The following MAGI1 variants were observed in gnomAD, a reference collection of about 807,000 sequenced individuals.
The protein encoded by MAGI1 is membrane-associated guanylate kinase, WW and PDZ domain-containing protein 1.
A neutral mutation model predicts 139.9 loss-of-function variants in MAGI1; 58 were observed. The observed-to-expected ratio is 0.41, with a 90% CI of 0.34 to 0.52. The LOEUF is 0.52. MAGI1 is among the 20% of genes least tolerant of loss of function. MAGI1 has a pLI of 0.12. For synonymous variants in MAGI1, 812 were observed against 737.9 expected (o/e 1.10, Z -1.63); for missense variants, 1,874 against 1,901.6 (o/e 0.99, Z 0.27).
intron 1 of MAGI1, among the ~76,000 whole-genome samples, chr3:65,840,480 C>T (rs1245801004): frequency 2.0e-5 from 3 of 152,144 alleles, no homozygotes; most frequent in Admixed American, 2.0e-4. Flanking sequence ...ATAGGCATTA[C>T]ATTTTATCAA....
At chr3:65,719,990 T>C (rs2107683346) in intron 1 of MAGI1, 1 of 152,302 alleles carries the variant, frequency 6.6e-6, no homozygotes, top group Non-Finnish European at 1.5e-5. Context: ...CCCTGACAGG[T>C]AGCGGAGTAG....
intron 1 of MAGI1, among the ~76,000 whole-genome samples, chr3:65,977,727 A>G (rs999273949): frequency 6.9e-6 from 1 of 144,074 alleles, no homozygotes; most frequent in Non-Finnish European, 1.5e-5. Context: ...ACTACCAAAT[A>G]AAAAAAAAAA....
intron 1 of MAGI1, among the ~76,000 whole-genome samples, chr3:65,776,119 T>C (rs1474211401): frequency 1.3e-5 from 2 of 152,294 alleles, no homozygotes; most frequent in East Asian, 3.9e-4. Context: ...TTTGCAATTT[T>C]TGCCACTCCT....
At position 65,859,368 on chromosome 3, in the gene MAGI1, G is replaced by GA. The variant is rs985765665; in HGVS notation, c.313+178627dup. ...ACCTGCATTAGACCCCTACAAATCA[G>GA]AAAAAACTGAAACTCCATTTAGCAT... On this transcript the variant is annotated intron_variant, in intron 1 of 22. Transcript: ENST00000402939. Among the ~76,000 whole-genome samples, 47 of 151,556 alleles carry GA rather than the reference G, an allele frequency of 3.1e-4. 1 individual carries two copies. Among genetic ancestry groups the GA allele is most frequent in the African/African-American group, 1.1e-3 (47 of 41,274 alleles).
intron 1 of MAGI1, among the ~76,000 whole-genome samples, chr3:65,811,865 T>C (rs1909492): frequency 0.59 from 89,362 of 151,740 alleles, 26,678 homozygotes; most frequent in East Asian, 0.74. Flanking sequence ...TACCAGCTAG[T>C]TGATTATAAA....
intron 2 of MAGI1, among the ~76,000 whole-genome samples, chr3:65,530,625 GT>G (rs1227494513): frequency 1.8e-3 from 1 of 558 alleles, no homozygotes; most frequent in African/African-American, 2.2e-3. Flanking sequence ...TGTGTGTGTG[GT>G]GTGTGTGTGT....
At chr3:65,749,563 G>A (rs947484866) in intron 1 of MAGI1, among the ~76,000 whole-genome samples, 2 of 151,988 alleles carry the variant, frequency 1.3e-5, no homozygotes, top group African/African-American at 4.8e-5. Flanking sequence ...ACTACAAACT[G>A]GGTCCAGTGT....
intron 1 of MAGI1, among the ~76,000 whole-genome samples, chr3:66,030,013 G>A (rs367868624): frequency 7.2e-5 from 11 of 152,226 alleles, no homozygotes; most frequent in African/African-American, 2.2e-4. Context: ...CTTCCATGCA[G>A]GGAAACCTAA....
intron 1 of MAGI1, among the ~76,000 whole-genome samples, chr3:65,971,086 C>T (rs2064993984): frequency 6.6e-6 from 1 of 152,084 alleles, no homozygotes; most frequent in South Asian, 2.1e-4. Flanking sequence ...GCCTGTAGTC[C>T]CAGCTACTCG....
intron 1 of MAGI1, among the ~76,000 whole-genome samples, chr3:65,959,798 CTTTTTT>C (rs33978400): frequency 1.0e-4 from 6 of 60,266 alleles, no homozygotes; most frequent in Non-Finnish European, 1.4e-4. Flanking sequence ...TAAATTCTCT[CTTTTTT>C]TTTTTTTTTT....
At chr3:66,028,639 G>C (rs550933399) in intron 1 of MAGI1, among the ~76,000 whole-genome samples, 2 of 151,920 alleles carry the variant, frequency 1.3e-5, no homozygotes, top group African/African-American at 4.8e-5. Context: ...GCCTGAACAC[G>C]CAAGAACTCG....
Position 65,429,796 on chromosome 3 carries a change from A to G in MAGI1, c.1891T>C (p.Leu631=). The change falls in exon 12 of 23, where the codon TTG becomes CTG. Residue 631 remains leucine, a synonymous_variant. Coordinates refer to ENST00000402939, the MANE Select transcript of MAGI1 (RefSeq NM_001033057.2). ...SHGYPNDTVS[L]ASSIATQPEL... is the part of the protein sequence containing the mutation. ...GGCTGAGTGGCTATGGAGGAAGCCAAAGAAACAGTGTCATTAGGATAACCA... is the reference window on the plus strand; with the variant it reads ...GGCTGAGTGGCTATGGAGGAAGCCAGAGAAACAGTGTCATTAGGATAACCA... 1 of 1,613,992 alleles carries G rather than the reference A, an allele frequency of 6.2e-7. No homozygotes were observed. The highest frequency in any genetic ancestry group is 8.5e-7 in the Non-Finnish European group (1 of 1,179,970).
chr3:65,541,510 C>G (rs1171047428), intron 2 of MAGI1, among the ~76,000 whole-genome samples: 2 of 152,050 alleles, frequency 1.3e-5, no homozygotes, highest in South Asian at 4.2e-4. Flanking sequence ...AACATTGATG[C>G]GAAATCCTCA....
rs117667454 is a variant in MAGI1 at position 65,985,940 on chromosome 3, T to C, written c.313+52056A>G. Among the ~76,000 whole-genome samples the C allele has an allele frequency of 1.4e-4, 22 of 152,360 alleles. No individual in the cohort carries two copies. The East Asian group carries it at 2.5e-3, about 17-fold the overall frequency. On this transcript the variant is annotated intron_variant, in intron 1 of 22. Transcript: ENST00000402939. ...CATGCTCAGTGACTTGGCTTAGAAC[T>C]GTTAGTCAAGAAGAATGTATTAAAT...
intron 12 of MAGI1, 26 bp from the exon 13 acceptor site, chr3:65,401,496 A>AG: frequency 6.2e-7 from 1 of 1,607,716 alleles, no homozygotes; most frequent in Non-Finnish European, 8.5e-7. Context: ...CAAGGAGGGG[A>AG]GGGGGGAAGA....
intron 10 of MAGI1, among the ~76,000 whole-genome samples, chr3:65,436,250 TAA>T (rs1183105068): frequency 1.3e-5 from 2 of 150,448 alleles, no homozygotes; most frequent in Non-Finnish European, 2.9e-5. Flanking sequence ...GTAACACAAT[TAA>T]ATCTTTTAAA....
chr3:66,022,058 G>C (rs1419915597), intron 1 of MAGI1, among the ~76,000 whole-genome samples: 1 of 152,058 alleles, frequency 6.6e-6, no homozygotes, highest in East Asian at 1.9e-4. Flanking sequence ...CTGGAATTCA[G>C]GCAACAGGGT....
At chr3:65,378,581 T>C (rs977718647) in intron 17 of MAGI1, among the ~76,000 whole-genome samples, 3 of 152,148 alleles carry the variant, frequency 2.0e-5, no homozygotes, top group African/African-American at 7.2e-5. Flanking sequence ...ATTAGTGCTA[T>C]CCTATTCAAG....
chr3:65,628,061 AT>A (rs906028699), intron 1 of MAGI1, among the ~76,000 whole-genome samples: 1 of 151,234 alleles, frequency 6.6e-6, no homozygotes, highest in Non-Finnish European at 1.5e-5. Context: ...CCCTCCCCTA[AT>A]TTTTTTTTAG....
Sources: gnomAD v4.1 joint callset for allele counts (sites outside exome capture counted in the v4.1 genomes callset) on GRCh38, gnomAD v4.1.1 for gene constraint, MANE v1.5 for transcripts, NCBI Gene and HGNC (gene_info 2026-07-23, HGNC 2026-07-21) for gene names.